The following KDM4C variants were observed in gnomAD, a reference collection of about 807,000 sequenced individuals.
The protein encoded by KDM4C is lysine demethylase 4C, also known as lysine-specific demethylase 4C.
KDM4C carries 81 observed loss-of-function variants against 129.3 expected under a neutral mutation model. The observed-to-expected ratio is 0.63, with a 90% CI of 0.52 to 0.75. The LOEUF is 0.75. Among genes scored for constraint, KDM4C ranks in the 30% least tolerant of loss-of-function variants. KDM4C has a pLI of 0.00. For synonymous variants in KDM4C, 573 were observed against 456.1 expected, an observed-to-expected ratio of 1.26 and a Z score of -3.26; for missense variants, 1,457 against 1,304.0, an observed-to-expected ratio of 1.12 and a Z score of -1.81.
chr9:7,167,068 T>C (rs1844463086), intron 20 of KDM4C, among the ~76,000 whole-genome samples: 1 of 152,248 alleles, frequency 6.6e-6, no homozygotes, highest in Non-Finnish European at 1.5e-5. Context: ...TATGCGTTTT[T>C]TGACCCTCAG....
chr9:6,998,146 C>G (rs1820103551), intron 12 of KDM4C, among the ~76,000 whole-genome samples: 1 of 152,188 alleles, frequency 6.6e-6, no homozygotes, highest in African/African-American at 2.4e-5. Flanking sequence ...AAATTAAAGA[C>G]AGCTTACACC....
intron 2 of KDM4C, among the ~76,000 whole-genome samples, chr9:6,799,746 C>G (rs1266169546): frequency 6.8e-6 from 1 of 147,138 alleles, no homozygotes; most frequent in East Asian, 2.0e-4. Flanking sequence ...CTGAATAAAT[C>G]TGTGTTCCAT....
At chr9:6,815,214 C>T (rs1284552955) in intron 4 of KDM4C, 3 of 151,496 alleles carry the variant, frequency 2.0e-5, no homozygotes, top group South Asian at 4.1e-4. Context: ...TTAAAAAGTA[C>T]ATGTTATTAC....
At chr9:7,094,421 GT>G (rs992371950) in intron 17 of KDM4C, among the ~76,000 whole-genome samples, 94 of 152,130 alleles carry the variant, frequency 6.2e-4, no homozygotes, top group African/African-American at 2.2e-3. Flanking sequence ...CACAGGAAGG[GT>G]AAAAGGAATT....
At chr9:6,753,463 G>A (rs546715127), upstream of KDM4C, among the ~76,000 whole-genome samples, 2 of 152,240 alleles carry the variant, frequency 1.3e-5, no homozygotes, top group Non-Finnish European at 2.9e-5. Context: ...TAATTGAGAT[G>A]GGGTCTCGCT....
rs1491581614 is a variant in KDM4C at position 7,068,682 on chromosome 9, C to CTCTCTTTTTTTTT, written c.2424+19483_2424+19484insCTCTTTTTTTTTT. Among the ~76,000 whole-genome samples, 5 of 88,532 alleles carry CTCTCTTTTTTTTT rather than the reference C, an allele frequency of 5.6e-5. 2 individuals carry two copies. The highest frequency in any genetic ancestry group is 6.9e-5 in the Non-Finnish European group (3 of 43,514). 58.1% of individuals were successfully genotyped at this position (88,532 alleles called of 152,430 possible). On this transcript the variant is annotated intron_variant, in intron 17 of 21. Transcript: ENST00000381309. The stretch of plus-strand genomic sequence containing the variant: ...CTATTTCATACATGTTTATGATGCC[C>CTCTCTTTTTTTTT]TTTCTTTTTTTTTTTTTTTTTTTTT...
intron 12 of KDM4C, among the ~76,000 whole-genome samples, chr9:7,004,122 A>C (rs893588503): frequency 6.6e-6 from 1 of 152,210 alleles, no homozygotes; most frequent in Non-Finnish European, 1.5e-5. Context: ...ACTGTAGTGG[A>C]GCTGATAGCT....
intron 17 of KDM4C, among the ~76,000 whole-genome samples, chr9:7,082,739 C>G (rs1326682320): frequency 6.6e-6 from 1 of 152,134 alleles, no homozygotes; most frequent in Non-Finnish European, 1.5e-5. Context: ...GCAGGAAGAT[C>G]TACAGGGAAT....
intron 8 of KDM4C, among the ~76,000 whole-genome samples, chr9:6,920,467 G>T (rs1402235914): frequency 2.0e-5 from 3 of 152,004 alleles, no homozygotes; most frequent in African/African-American, 7.3e-5. Context: ...GGAGACTGAG[G>T]CAGGAGAATC....
chr9:6,739,350 G>A (rs2130252819), intron 1 of KDM4C, among the ~76,000 whole-genome samples: 1 of 152,152 alleles, frequency 6.6e-6, no homozygotes, highest in Admixed American at 6.6e-5. Context: ...TGGGATCACA[G>A]GTGTGAGCCA....
At chr9:7,114,044 C>T (rs1838627596) in intron 18 of KDM4C, among the ~76,000 whole-genome samples, 1 of 152,158 alleles carries the variant, frequency 6.6e-6, no homozygotes, top group South Asian at 2.1e-4. Context: ...CCAGGATGAA[C>T]ATATGAAATT....
chr9:6,721,719 G>T (rs1466759217), intron 1 of KDM4C, among the ~76,000 whole-genome samples: 1 of 151,866 alleles, frequency 6.6e-6, no homozygotes, highest in African/African-American at 2.4e-5. Context: ...CTCCTGAGTA[G>T]CTGGGATTAC....
chr9:6,774,301 T>G (rs1822540503), intron 1 of KDM4C, among the ~76,000 whole-genome samples: 1 of 152,210 alleles, frequency 6.6e-6, no homozygotes, highest in Non-Finnish European at 1.5e-5. Flanking sequence ...TTAGGTAATA[T>G]ACAAACATAT....
At chr9:6,926,131 G>A (rs1185189032) in intron 8 of KDM4C, among the ~76,000 whole-genome samples, 2 of 151,992 alleles carry the variant, frequency 1.3e-5, no homozygotes, top group Non-Finnish European at 2.9e-5. Flanking sequence ...TTCGTGGACC[G>A]GGTGCCTTCT....
chr9:6,857,097 A>G (rs1485329302), intron 5 of KDM4C, among the ~76,000 whole-genome samples: 1 of 152,090 alleles, frequency 6.6e-6, no homozygotes, highest in East Asian at 1.9e-4. Flanking sequence ...GGGCTCAATC[A>G]ATCCTCCTGC....
chr9:7,101,218 C>A (rs748081409), intron 17 of KDM4C, among the ~76,000 whole-genome samples: 2 of 152,156 alleles, frequency 1.3e-5, no homozygotes, highest in Non-Finnish European at 2.9e-5. Context: ...TCACTTCTTT[C>A]ATAGCATGTA....
chr9:6,951,902 A>G (rs1382353909), intron 8 of KDM4C, among the ~76,000 whole-genome samples: 1 of 152,196 alleles, frequency 6.6e-6, no homozygotes, highest in Admixed American at 6.5e-5. Flanking sequence ...ATGATAATTG[A>G]TCTTTTGTCA....
intron 5 of KDM4C, among the ~76,000 whole-genome samples, chr9:6,867,090 A>G (rs1019552374): frequency 4.7e-5 from 7 of 147,570 alleles, no homozygotes; most frequent in African/African-American, 1.8e-4. Flanking sequence ...ATCTCAGCTC[A>G]CTGCAACCTC....
At chr9:6,890,640 T>A (rs898126558) in intron 7 of KDM4C, among the ~76,000 whole-genome samples, 18 of 152,164 alleles carry the variant, frequency 1.2e-4, no homozygotes, top group Admixed American at 3.3e-4. Flanking sequence ...TTTTTTTTTT[T>A]AAATCATGGC....
Sources: gnomAD v4.1 joint callset for allele counts (sites outside exome capture counted in the v4.1 genomes callset) on GRCh38, gnomAD v4.1.1 for gene constraint, MANE v1.5 for transcripts, NCBI Gene and HGNC (gene_info 2026-07-23, HGNC 2026-07-21) for gene names.